CLCN7: variants seen among roughly 807,000 people sequenced by gnomAD.
The protein encoded by CLCN7 is Cl-/H+ antiporter 7.
In CLCN7, 60 loss-of-function variants were observed where a neutral mutation model predicts 102.1. That is an observed-to-expected ratio of 0.59 (90% CI 0.48 to 0.73). CLCN7 has a LOEUF of 0.73. CLCN7 is among the 30% of genes least tolerant of loss of function. The pLI is 0.00. For missense variants in CLCN7, 962 were observed against 1,125.7 expected (o/e 0.85, Z 2.08); for synonymous variants, 560 against 490.5 (o/e 1.14, Z -1.87).
At chr16:1,455,503 G>A in intron 11 of CLCN7, 1 of 657,706 alleles carries the variant, frequency 1.5e-6, no homozygotes, top group Non-Finnish European at 2.7e-6. Context: ...CCGGCTGTTT[G>A]ATCCCCTACC....
chr16:1,470,477 G>A (rs2039063084), intron 1 of CLCN7, among the ~76,000 whole-genome samples: 1 of 152,202 alleles, frequency 6.6e-6, no homozygotes, highest in South Asian at 2.1e-4. Flanking sequence ...GCGGGGGGAT[G>A]GGGGTTACAG....
chr16:1,447,731 C>T lies in CLCN7; in HGVS notation c.2014-17G>A, dbSNP rs556884613. 249 of 1,548,878 alleles carry T rather than the reference C, an allele frequency of 1.6e-4. 2 individuals are homozygous for T. Among genetic ancestry groups the T allele is most frequent in the Non-Finnish European group, 2.0e-4 (234 of 1,146,614 alleles). On this transcript the variant is annotated splice_polypyrimidine_tract_variant and intron_variant, in intron 21 of 24. Coordinates refer to ENST00000382745, the MANE Select transcript of CLCN7 (RefSeq NM_001287.6). ...CCGGGCAGGCTGCAAGACAGGCCCG[C>T]GGTCAGGGCCACGGGCCCGAGGGTG... is the stretch of plus-strand genomic sequence containing the variant.
At chr16:1,471,515 A>G (rs2039077539) in intron 1 of CLCN7, 1 of 152,252 alleles carries the variant, frequency 6.6e-6, no homozygotes, top group Non-Finnish European at 1.5e-5. Flanking sequence ...TCCCCCAGAA[A>G]AGCAGCACCA....
chr16:1,462,665 CA>C (rs67969666), intron 2 of CLCN7, among the ~76,000 whole-genome samples: 1,366 of 36,170 alleles, frequency 0.038, 10 homozygotes, highest in South Asian at 0.085. Context: ...AAAAAAAAGC[CA>C]AAAAAAAAAA....
At chr16:1,474,730 C>A (rs911425337) in intron 1 of CLCN7, 104 bp downstream of exon 1, 2 of 1,037,622 alleles carry the variant, frequency 1.9e-6, no homozygotes, top group African/African-American at 3.4e-5. Flanking sequence ...GCCTCGGTCG[C>A]CTCCAGGACC....
rs762801070 is a variant in CLCN7, at chr16:1,457,351, G to A, written c.739-14C>T. Reference sequence around the variant, plus strand: ...CATCGGCCCTTCCTGGAGACCAGAAGGACCGGTGCTCAGAGACACGCGTGA... The same window carrying A: ...CATCGGCCCTTCCTGGAGACCAGAAAGACCGGTGCTCAGAGACACGCGTGA... On this transcript the variant is annotated splice_polypyrimidine_tract_variant and intron_variant, in intron 8 of 24. Coordinates refer to ENST00000382745, the MANE Select transcript of CLCN7 (RefSeq NM_001287.6). The surrounding 1 kb of genome is among the most constrained non-coding windows in gnomAD (Gnocchi z 5.4). The A allele has an allele frequency of 1.9e-5, 31 of 1,611,952 alleles. No homozygotes were observed. In the Admixed American group the frequency reaches 4.7e-4, roughly 24 times the overall value.
At position 1,451,548 on chromosome 16, in the gene CLCN7, CA is replaced by C. The variant is rs1164823362; in HGVS notation, c.1447+74del. On this transcript the variant is annotated intron_variant, in intron 16 of 24. Transcript: ENST00000382745. ...AGCCCAGGGCTGCAACCTCAGCCCA[CA>C]GGGGACACTCAGCCAGAAGGCATCA... is the stretch of plus-strand genomic sequence containing the variant. The C allele has an allele frequency of 2.3e-6, 3 of 1,321,824 alleles. No homozygotes were observed. In the Admixed American group the frequency reaches 5.4e-5, roughly 24 times the overall value. 81.9% of individuals were successfully genotyped at this position (1,321,824 alleles called of 1,614,324 possible). A position where few individuals can be genotyped will look rare whatever the true frequency, so the allele number is the denominator to read the frequency against.
In CLCN7 at chr16:1,448,776, G is replaced by T. The variant is rs35939214; in HGVS notation, c.1798-10C>A. 3 of 1,610,178 alleles carry T rather than the reference G, an allele frequency of 1.9e-6. No individual in the cohort carries two copies. The highest frequency in any genetic ancestry group is 1.7e-6 in the Non-Finnish European group (2 of 1,179,858). On this transcript the variant is annotated splice_polypyrimidine_tract_variant and intron_variant, in intron 19 of 24. Transcript: ENST00000382745. ...GCATGTCGTACAGGCCCTGCGGGCG[G>T]GGCGGGAACACAGGGCTTGAGGAGT...
In CLCN7 at chr16:1,457,881, G is replaced by A. The variant is rs577428920; in HGVS notation, c.676-125C>T. On this transcript the variant is annotated intron_variant, in intron 7 of 24. Coordinates refer to ENST00000382745, the MANE Select transcript of CLCN7 (RefSeq NM_001287.6). The surrounding 1 kb of genome is among the most constrained non-coding windows in gnomAD (Gnocchi z 5.4). ...GCTGGGACACGGGGCCTCCGGGAGG[G>A]GGCCAGCACCCCCAGGCTGGGTCTC... is the stretch of plus-strand genomic sequence containing the variant. 34 of 922,132 alleles carry A rather than the reference G, an allele frequency of 3.7e-5. No homozygotes were observed. Among genetic ancestry groups the A allele is most frequent in the Middle Eastern group, 2.1e-4 (1 of 4,748 alleles). 57.1% of individuals were successfully genotyped at this position (922,132 alleles called of 1,614,324 possible).
intron 14 of CLCN7, among the ~76,000 whole-genome samples, chr16:1,453,525 G>T (rs1354966905): frequency 1.3e-5 from 2 of 152,240 alleles, no homozygotes; most frequent in African/African-American, 4.8e-5. Flanking sequence ...TTGCTACCAG[G>T]CAGAGCCAGG....
At chr16:1,458,881 A>C (rs1862366646) in intron 7 of CLCN7, among the ~76,000 whole-genome samples, 1 of 152,228 alleles carries the variant, frequency 6.6e-6, no homozygotes, top group East Asian at 1.9e-4. Flanking sequence ...GCATTTCTGT[A>C]TGACTACTCA....
Position 1,451,729 on chromosome 16 carries a change from G to A in CLCN7, c.1354-13C>T, listed in dbSNP as rs567775827. On this transcript the variant is annotated splice_polypyrimidine_tract_variant and intron_variant, in intron 15 of 24. Coordinates refer to ENST00000382745, the MANE Select transcript of CLCN7 (RefSeq NM_001287.6). ...CTGCACAAAAGAGCTGTGGGGTCGG[G>A]AGAGAGCACACGTTGGGAGGGGAGA... is the stretch of plus-strand genomic sequence containing the variant. 26 of 1,608,826 alleles carry A rather than the reference G, an allele frequency of 1.6e-5. 1 individual carries two copies. The highest frequency in any genetic ancestry group is 1.2e-4 in the South Asian group (11 of 90,842).
Position 1,458,818 on chromosome 16 carries a change from C to A in CLCN7, c.675+289G>T, listed in dbSNP as rs557888420. Among the ~76,000 whole-genome samples, 24 of 152,382 alleles carry A rather than the reference C, an allele frequency of 1.6e-4. 1 individual carries two copies. In the South Asian group the frequency reaches 5.0e-3, roughly 32 times the overall value. On this transcript the variant is annotated intron_variant, in intron 7 of 24. Coordinates refer to ENST00000382745, the MANE Select transcript of CLCN7 (RefSeq NM_001287.6). ...CCACGGTGAATCAGTCACCACCACG[C>A]AGCCCACAGTCACAGACGCGTCGCA...
chr16:1,456,027 C>T (rs1296840237), intron 10 of CLCN7, 86 bp downstream of exon 10: 14 of 1,196,280 alleles, frequency 1.2e-5, no homozygotes, highest in Middle Eastern at 2.6e-4. Context: ...CCACCCTCAG[C>T]GGGCACTGGG....
At chr16:1,455,060 C>T (rs2038812596) in intron 12 of CLCN7, 74 bp downstream of exon 12, 1 of 913,088 alleles carries the variant, frequency 1.1e-6, no homozygotes, top group Non-Finnish European at 1.8e-6. Context: ...ACCAAATTCT[C>T]AACCTGGGCC....
chr16:1,456,396 C>T lies in CLCN7; in HGVS notation c.823-190G>A, dbSNP rs141845302. ...GAGACAGCAGGGTCAGCACCACCAC[C>T]GGCAGCCCAGGGAAACACGCAAACA... On this transcript the variant is annotated intron_variant, in intron 9 of 24. Coordinates refer to ENST00000382745, the MANE Select transcript of CLCN7 (RefSeq NM_001287.6). Among the ~76,000 whole-genome samples the T allele has an allele frequency of 4.4e-3, 677 of 152,290 alleles. 5 individuals carry two copies. Among genetic ancestry groups the T allele is most frequent in the Non-Finnish European group, 6.2e-3 (424 of 68,018 alleles).
intron 15 of CLCN7, 152 bp from the exon 16 acceptor site, chr16:1,451,868 G>A (rs113450778): frequency 1.0e-4 from 69 of 666,802 alleles, no homozygotes; most frequent in African/African-American, 7.9e-4. Context: ...TCAGGGCCAC[G>A]GTCACAGAGG....
chr16:1,447,593 A>T (rs1396857476), intron 22 of CLCN7, 25 bp from the exon 23 acceptor site: 1 of 1,552,288 alleles, frequency 6.4e-7, no homozygotes, highest in Non-Finnish European at 8.7e-7. Flanking sequence ...GCCCTGTGTC[A>T]GGCACCCAGG....
At chr16:1,454,034 G>GCT in intron 13 of CLCN7, 140 bp from the exon 14 acceptor site, 2 of 789,786 alleles carry the variant, frequency 2.5e-6, no homozygotes. Context: ...CTGGTAAGAT[G>GCT]CTTCCTCCAC....
Sources: gnomAD v4.1 joint callset for allele counts (sites outside exome capture counted in the v4.1 genomes callset) on GRCh38, gnomAD v4.1.1 for gene constraint, Gnocchi (gnomAD v3.1) non-coding constraint, MANE v1.5 for transcripts, NCBI Gene and HGNC (gene_info 2026-07-23, HGNC 2026-07-21) for gene names.